Variants in DRC8 observed in about 807,000 individuals in gnomAD.
DRC8 encodes the protein dynein regulatory complex subunit 8, also known as dynein regulatory complex protein 8.
chr1:245,072,862 C>G, the DRC8 span, among the ~76,000 whole-genome samples: 1 of 152,106 alleles, frequency 6.6e-6, no homozygotes, highest in Non-Finnish European at 1.5e-5. Flanking sequence ...CTCTCTCTTG[C>G]TCCTGTTCTG....
At chr1:245,073,781 T>C in the DRC8 span, among the ~76,000 whole-genome samples, 1 of 152,042 alleles carries the variant, frequency 6.6e-6, no homozygotes, top group Non-Finnish European at 1.5e-5. Flanking sequence ...AAAACAAAGC[T>C]CTCCAGCACT....
the DRC8 span, among the ~76,000 whole-genome samples, chr1:245,037,807 T>A: frequency 6.6e-6 from 1 of 151,934 alleles, no homozygotes; most frequent in Non-Finnish European, 1.5e-5. Context: ...GGGAATAAAA[T>A]TAATACATAG....
chr1:245,122,001 A>C, the DRC8 span: 80,144 of 372,360 alleles, frequency 0.22, 11,481 homozygotes, highest in African/African-American at 0.45. Context: ...CGGGTTCAAG[A>C]GATTCTCCTG....
At chr1:245,069,729 C>T in the DRC8 span, among the ~76,000 whole-genome samples, 1 of 152,164 alleles carries the variant, frequency 6.6e-6, no homozygotes, top group South Asian at 2.1e-4. Flanking sequence ...GTTAACACTG[C>T]TGTACTGTAC....
chr1:245,032,108 C>A, the DRC8 span, among the ~76,000 whole-genome samples: 1 of 152,082 alleles, frequency 6.6e-6, no homozygotes, highest in Non-Finnish European at 1.5e-5. Flanking sequence ...AAAACTTCAT[C>A]CATTTCATCT....
chr1:245,099,389 C>T, the DRC8 span, among the ~76,000 whole-genome samples: 1 of 152,188 alleles, frequency 6.6e-6, no homozygotes, highest in Non-Finnish European at 1.5e-5. Flanking sequence ...GACAGCCAGA[C>T]CCTAGGACAA....
the DRC8 span, among the ~76,000 whole-genome samples, chr1:244,995,920 A>C: frequency 1.4e-4 from 21 of 152,336 alleles, no homozygotes; most frequent in African/African-American, 4.8e-4. Flanking sequence ...ATTTTTAGGC[A>C]TGTGTTACGC....
chr1:245,050,398 C>T, the DRC8 span, among the ~76,000 whole-genome samples: 1 of 152,126 alleles, frequency 6.6e-6, no homozygotes, highest in African/African-American at 2.4e-5. Flanking sequence ...CCGCGCCCAG[C>T]CCTCATCCCC....
At chr1:245,090,585 C>T in the DRC8 span, among the ~76,000 whole-genome samples, 4 of 152,124 alleles carry the variant, frequency 2.6e-5, no homozygotes, top group Admixed American at 2.0e-4. Flanking sequence ...AGAAGTTACA[C>T]AGCAGTAAGT....
At chr1:245,089,203 G>A in the DRC8 span, among the ~76,000 whole-genome samples, 1 of 152,144 alleles carries the variant, frequency 6.6e-6, no homozygotes. The surrounding 1 kb of genome is among the most constrained non-coding windows in gnomAD (Gnocchi z 4.8). Flanking sequence ...CAAGGAGCAA[G>A]TGGGGCATTT....
the DRC8 span, among the ~76,000 whole-genome samples, chr1:245,080,005 T>C: frequency 2.0e-5 from 3 of 152,130 alleles, no homozygotes; most frequent in African/African-American, 4.8e-5. Context: ...AATTCTGTCA[T>C]TGAATGCGCT....
chr1:245,088,195 T>C, the DRC8 span, among the ~76,000 whole-genome samples: 1 of 152,150 alleles, frequency 6.6e-6, no homozygotes, highest in Non-Finnish European at 1.5e-5. The surrounding 1 kb of genome is among the most constrained non-coding windows in gnomAD (Gnocchi z 4.6). Flanking sequence ...GCCTCCTCCT[T>C]GCAATTCTCT....
the DRC8 span, among the ~76,000 whole-genome samples, chr1:245,060,243 A>T: frequency 6.6e-6 from 1 of 152,210 alleles, no homozygotes; most frequent in Admixed American, 6.5e-5. Flanking sequence ...AGGAATTGTG[A>T]CCGTGGTGAG....
the DRC8 span, among the ~76,000 whole-genome samples, chr1:245,113,864 A>G: frequency 0.98 from 148,462 of 152,090 alleles, 72,555 homozygotes; most frequent in East Asian, 1. Flanking sequence ...GATTAAGGGC[A>G]TGGTACTAGC....
At chr1:244,999,045 T>C in the DRC8 span, among the ~76,000 whole-genome samples, 1 of 123,998 alleles carries the variant, frequency 8.1e-6, no homozygotes, top group African/African-American at 3.3e-5. Flanking sequence ...CAACGAATGT[T>C]TGGATCCTGG....
At chr1:245,112,845 C>A in the DRC8 span, among the ~76,000 whole-genome samples, 1 of 151,982 alleles carries the variant, frequency 6.6e-6, no homozygotes, top group African/African-American at 2.4e-5. Context: ...CCTCCGCCTC[C>A]TGAGTTCAAG....
the DRC8 span, among the ~76,000 whole-genome samples, chr1:245,108,565 G>A: frequency 6.6e-6 from 1 of 151,996 alleles, no homozygotes; most frequent in Non-Finnish European, 1.5e-5. Context: ...TCATCCCCGT[G>A]ACCCCAGCTA....
the DRC8 span, among the ~76,000 whole-genome samples, chr1:245,047,635 C>CAAA: frequency 3.9e-3 from 403 of 103,674 alleles, 7 homozygotes; most frequent in South Asian, 7.9e-3. Flanking sequence ...ACTCCATCTC[C>CAAA]AAAAAAAAAA....
chr1:245,080,678 C>T, the DRC8 span, among the ~76,000 whole-genome samples: 1 of 152,182 alleles, frequency 6.6e-6, no homozygotes, highest in Admixed American at 6.5e-5. Flanking sequence ...TTGAAGCCAT[C>T]CATTTCTCTC....
Sources: gnomAD v4.1 joint callset for allele counts (sites outside exome capture counted in the v4.1 genomes callset) on GRCh38, gnomAD v4.1.1 for gene constraint, Gnocchi (gnomAD v3.1) non-coding constraint, MANE v1.5 for transcripts, NCBI Gene and HGNC (gene_info 2026-07-23, HGNC 2026-07-21) for gene names.